Variants in RICTOR observed in about 807,000 individuals in gnomAD.
RICTOR encodes the protein rapamycin-insensitive companion of mTOR.
RICTOR carries 49 observed loss-of-function variants against 214.9 expected under a neutral mutation model. The ratio of observed to expected loss-of-function variants is 0.23; its 90% CI spans 0.18 to 0.29. The LOEUF (loss-of-function observed/expected upper bound fraction) is 0.29, where lower values mean the gene tolerates loss of function less well. Ranked by LOEUF, RICTOR falls within the 10% of genes least tolerant of loss-of-function variation. The pLI is 1.00. For missense variants in RICTOR, 1,625 were observed against 2,047.0 expected (o/e 0.79, Z 3.98); for synonymous variants, 717 against 711.3 (o/e 1.01, Z -0.13).
intron 16 of RICTOR, among the ~76,000 whole-genome samples, chr5:38,963,979 A>G (rs1289465832): frequency 6.6e-6 from 1 of 151,914 alleles, no homozygotes; most frequent in Non-Finnish European, 1.5e-5. Flanking sequence ...CAGATTATTA[A>G]GCGTACTTTA....
Position 38,945,024 on chromosome 5 carries a change from G to A in RICTOR, c.4678C>T (p.His1560Tyr). 1 of 1,611,422 alleles carries A rather than the reference G, an allele frequency of 6.2e-7. No homozygotes were observed. The highest frequency in any genetic ancestry group is 2.2e-5 in the East Asian group (1 of 44,846). Residue 1560 changes from histidine (H) to tyrosine (Y), a missense_variant, in exon 35 of 38, where the codon CAT (histidine) becomes TAT (tyrosine). By Grantham distance (83) the His-to-Tyr change is moderately conservative. This residue lies in a region of RICTOR where 1,214 missense variants were observed against 1,470.5 expected (regional missense o/e 0.83). Coordinates refer to ENST00000357387, the MANE Select transcript of RICTOR (RefSeq NM_152756.5). ...PYSDWCEQTI[H>Y]NPLEVVPSKF... ...GAGGGAACCACTTCTAAAGGATTAT[G>A]GATAGTCTGCTCACACCAATCAGAA...
At position 38,964,806 on chromosome 5, in the gene RICTOR, G is replaced by T; in HGVS notation, c.1386C>A (p.Pro462=). The T allele has an allele frequency of 1.9e-6, 3 of 1,573,660 alleles. No homozygotes were observed. The highest frequency in any genetic ancestry group is 2.6e-6 in the Non-Finnish European group (3 of 1,147,514). ...CTGATACTTACAGTCTCTTTTCCTT[G>T]GGGATATCAAAGGATGCAGCCATAT... is the stretch of plus-strand genomic sequence containing the variant. ...LMNMAASFDI[P]KEKRLRASAA... Residue 462 remains proline (P), a synonymous_variant, in exon 16 of 38, where the codon CCC becomes CCA. Coordinates refer to ENST00000357387, the MANE Select transcript of RICTOR (RefSeq NM_152756.5).
chr5:38,965,958 T>A (rs1750179384), intron 15 of RICTOR, among the ~76,000 whole-genome samples: 1 of 152,154 alleles, frequency 6.6e-6, no homozygotes, highest in Non-Finnish European at 1.5e-5. Flanking sequence ...TACTAACTAG[T>A]AAGTAATCTA....
In RICTOR at chr5:38,942,054, G is replaced by C. The variant is rs1747626443; in HGVS notation, c.*250C>G. The C allele has an allele frequency of 2.8e-6, 1 of 353,762 alleles. No individual in the cohort carries two copies. The highest frequency in any genetic ancestry group is 5.1e-6 in the Non-Finnish European group (1 of 196,350). 21.9% of individuals were successfully genotyped at this position (353,762 alleles called of 1,614,324 possible). On this transcript the variant is annotated 3_prime_UTR_variant, in exon 38 of 38. Coordinates refer to ENST00000357387, the MANE Select transcript of RICTOR (RefSeq NM_152756.5). Reference sequence around the variant, plus strand: ...TCAGTGCTTGGCTCTTGCATACAATGGTAACTGAAACTCTTAAAACTGTGG... The same window carrying C: ...TCAGTGCTTGGCTCTTGCATACAATCGTAACTGAAACTCTTAAAACTGTGG...
intron 7 of RICTOR, among the ~76,000 whole-genome samples, chr5:38,987,674 G>A (rs1008720460): frequency 1.3e-5 from 2 of 151,266 alleles, no homozygotes; most frequent in South Asian, 2.1e-4. Flanking sequence ...GGATTCATTC[G>A]TTTTTTTTGA....
At position 39,030,199 on chromosome 5, in the gene RICTOR, A is replaced by G. The variant is rs368741902; in HGVS notation, c.98-9063T>C. On this transcript the variant is annotated intron_variant, in intron 2 of 37. Transcript: ENST00000357387. ...AGAATTTGTTTTGCTTATATAACAT[A>G]TGACGTACTTTTTGATACATAATTC... Among the ~76,000 whole-genome samples the G allele has an allele frequency of 7.8e-3, 1,187 of 152,290 alleles. 21 individuals carry two copies. The highest frequency in any genetic ancestry group is 0.028 in the African/African-American group (1,155 of 41,564).
rs748020337 is a variant in RICTOR, at chr5:38,958,428, T to C, written c.2420+15A>G. On this transcript the variant is annotated intron_variant, in intron 24 of 37. Transcript: ENST00000357387. ...ACAACAAAAAAACATAACAGAAAAT[T>C]TACTTAAAATTTACCTCAGCAGGAG... 5 of 1,551,936 alleles carry C rather than the reference T, an allele frequency of 3.2e-6. No individual in the cohort carries two copies. The highest frequency in any genetic ancestry group is 4.4e-6 in the Non-Finnish European group (5 of 1,123,736).
chr5:39,004,762 G>A (rs890106668), intron 3 of RICTOR, among the ~76,000 whole-genome samples: 1 of 148,982 alleles, frequency 6.7e-6, no homozygotes, highest in African/African-American at 2.5e-5. Context: ...CCACCGCACT[G>A]GGCCTCTCAG....
chr5:38,949,355 C>T (rs1192550042), intron 31 of RICTOR: 1 of 1,562,286 alleles, frequency 6.4e-7, no homozygotes, highest in South Asian at 1.2e-5. Context: ...AATTGACCTA[C>T]CTGAAAAGGT....
chr5:39,072,024 G>A (rs1759362026), intron 2 of RICTOR, among the ~76,000 whole-genome samples: 2 of 152,106 alleles, frequency 1.3e-5, no homozygotes, highest in Non-Finnish European at 2.9e-5. Flanking sequence ...TGTCACAACA[G>A]CAACTTTTTA....
chr5:39,067,569 T>C (rs942535436), intron 2 of RICTOR, among the ~76,000 whole-genome samples: 4 of 152,260 alleles, frequency 2.6e-5, no homozygotes, highest in Admixed American at 6.5e-5. Context: ...CATCATCTTA[T>C]CTATTTTCAT....
At chr5:39,071,849 A>G (rs1759348567) in intron 2 of RICTOR, among the ~76,000 whole-genome samples, 1 of 152,212 alleles carries the variant, frequency 6.6e-6, no homozygotes, top group Non-Finnish European at 1.5e-5. Context: ...GCATTAAACA[A>G]AAAAATTTTT....
At chr5:39,017,042 A>C (rs1755013366) in intron 3 of RICTOR, among the ~76,000 whole-genome samples, 1 of 152,176 alleles carries the variant, frequency 6.6e-6, no homozygotes, top group South Asian at 2.1e-4. Flanking sequence ...CATGTGGCTC[A>C]CATTATATTT....
At chr5:38,964,325 C>T (rs996349796) in intron 16 of RICTOR, among the ~76,000 whole-genome samples, 7 of 151,828 alleles carry the variant, frequency 4.6e-5, no homozygotes, top group Admixed American at 2.0e-4. Flanking sequence ...TCTATGTTTG[C>T]AGTATCTCCT....
At position 38,942,919 on chromosome 5, in the gene RICTOR, C is replaced by T; in HGVS notation, c.4966G>A (p.Val1656Ile). Residue 1656 changes from valine (V) to isoleucine (I), a missense_variant, in exon 37 of 38, where the codon GTT becomes ATT. Val to Ile is a conservative substitution (Grantham distance 29). This residue lies in a region of RICTOR where 44 missense variants were observed against 90.1 expected (regional missense o/e 0.49). Coordinates refer to ENST00000357387, the MANE Select transcript of RICTOR (RefSeq NM_152756.5). Reference protein sequence around the residue: ...TFDDICLYSEVSHLLSHCTFR... With the variant: ...TFDDICLYSEISHLLSHCTFR... ...GTGCAGTGTGACAGCAAATGGGAAACCTCAGAGTAAAGGCATATGTCATCA... is the reference window on the plus strand; with the variant it reads ...GTGCAGTGTGACAGCAAATGGGAAATCTCAGAGTAAAGGCATATGTCATCA... 1 of 1,607,194 alleles carries T rather than the reference C, an allele frequency of 6.2e-7. No individual in the cohort carries two copies. Among genetic ancestry groups the T allele is most frequent in the African/African-American group, 1.3e-5 (1 of 74,844 alleles).
chr5:39,006,776 A>AGAGGAGG (rs1754101882), intron 3 of RICTOR, among the ~76,000 whole-genome samples: 23 of 18,830 alleles, frequency 1.2e-3, no homozygotes, highest in Non-Finnish European at 1.8e-3. Context: ...GGGAGAGGAG[A>AGAGGAGG]GGAGGGGAGG....
chr5:39,060,797 T>A (rs1287924639), intron 2 of RICTOR, among the ~76,000 whole-genome samples: 4 of 151,962 alleles, frequency 2.6e-5, no homozygotes, highest in Admixed American at 2.6e-4. Context: ...GTCATATGAT[T>A]TATCTTATAC....
At chr5:38,996,096 T>C (rs1753157967) in intron 6 of RICTOR, among the ~76,000 whole-genome samples, 1 of 152,142 alleles carries the variant, frequency 6.6e-6, no homozygotes, top group Non-Finnish European at 1.5e-5. Context: ...AACTAAAAAA[T>C]TCAACTGGAA....
At position 38,999,301 on chromosome 5, in the gene RICTOR, A is replaced by G. The variant is rs186319540; in HGVS notation, c.393-2419T>C. ...AGAATATACAACAGAGAAAAAAAAAATCTTTAAAGCAGCCAGAGGTAAAAA... is the reference window on the plus strand; with the variant it reads ...AGAATATACAACAGAGAAAAAAAAAGTCTTTAAAGCAGCCAGAGGTAAAAA... On this transcript the variant is annotated intron_variant, in intron 5 of 37. Transcript: ENST00000357387. Among the ~76,000 whole-genome samples, 902 of 152,090 alleles carry G rather than the reference A, an allele frequency of 5.9e-3. 12 individuals are homozygous for G. Among genetic ancestry groups the G allele is most frequent in the African/African-American group, 0.021 (864 of 41,530 alleles).
Sources: allele counts gnomAD v4.1 joint callset (sites outside exome capture counted in the v4.1 genomes callset), GRCh38; gene constraint gnomAD v4.1.1; regional missense constraint gnomAD v4.1.1; transcripts MANE v1.5; gene names NCBI Gene and HGNC (gene_info 2026-07-23, HGNC 2026-07-21).